Variants in PCDHGA5 observed in about 807,000 individuals in gnomAD.
PCDHGA5 encodes protocadherin gamma subfamily A, 5.
In PCDHGA5, 36 loss-of-function variants were observed where a neutral mutation model predicts 56.7. That is an observed-to-expected ratio of 0.64 (90% confidence interval 0.49 to 0.84). PCDHGA5 has a LOEUF of 0.84. Ranked by LOEUF, PCDHGA5 falls within the 40% of genes least tolerant of loss-of-function variation. The pLI is 0.00. For missense variants in PCDHGA5, 1,305 were observed against 1,201.5 expected (o/e 1.09, Z -1.27); for synonymous variants, 563 against 520.2 (o/e 1.08, Z -1.12).
rs2099883627 is a variant in PCDHGA5, at chr5:141,511,136, G to A, written c.2759G>A (p.Gly920Asp). 4.3e-6 allele frequency: 7 copies of A among 1,614,194 alleles called. No homozygotes were observed. The East Asian group carries it at 1.6e-4, about 36-fold the overall frequency. The change falls in exon 4 of 4, where the codon GGC (glycine) becomes GAC (aspartate). Residue 920 changes from glycine (G) to aspartate (D), a missense_variant. Physicochemically the swap from Gly to Asp is moderately conservative, Grantham distance 94. Coordinates refer to ENST00000518069, the MANE Select transcript of PCDHGA5 (RefSeq NM_018918.3). ...GGCAAGGCCCCAGCAGGTGGCAATG[G>A]CAACAAGAAGAAGTCGGGCAAGAAG... Reference protein sequence around the residue: ...RDGKAPAGGNGNKKKSGKKEK... With the variant: ...RDGKAPAGGNDNKKKSGKKEK...
chr5:141,482,086 T>C (rs1435200188), intron 1 of PCDHGA5, among the ~76,000 whole-genome samples: 6 of 93,070 alleles, frequency 6.4e-5, no homozygotes, highest in African/African-American at 3.7e-4. Flanking sequence ...ACTCACTCCA[T>C]CTCAAAAAAA....
At chr5:141,389,562 G>C in intron 1 of PCDHGA5, 1 of 1,613,284 alleles carries the variant, frequency 6.2e-7, no homozygotes, top group Middle Eastern at 1.7e-4. Context: ...TGCGCCACGG[G>C]TGCTGTACCC....
At chr5:141,452,256 C>T (rs533770410) in intron 1 of PCDHGA5, among the ~76,000 whole-genome samples, 1 of 152,298 alleles carries the variant, frequency 6.6e-6, no homozygotes, top group African/African-American at 2.4e-5. Flanking sequence ...CCATAACTCT[C>T]TCATTTTCTT....
intron 1 of PCDHGA5, among the ~76,000 whole-genome samples, chr5:141,448,180 G>C (rs961721974): frequency 1.3e-5 from 2 of 151,998 alleles, no homozygotes; most frequent in African/African-American, 2.4e-5. Flanking sequence ...TTCATCCCTG[G>C]TTATGTACAC....
chr5:141,384,787 C>A, intron 1 of PCDHGA5: 2 of 1,613,552 alleles, frequency 1.2e-6, no homozygotes, highest in Admixed American at 3.3e-5. Flanking sequence ...GCGCACGGCT[C>A]GGGCCCTGCT....
chr5:141,499,479 C>T (rs1019775735), intron 2 of PCDHGA5, among the ~76,000 whole-genome samples: 1 of 152,146 alleles, frequency 6.6e-6, no homozygotes. Context: ...AGAACCACCA[C>T]CAACTACAGT....
chr5:141,374,230 C>T lies in PCDHGA5; in HGVS notation c.2421+7479C>T. On this transcript the variant is annotated intron_variant, in intron 1 of 3. Coordinates refer to ENST00000518069, the MANE Select transcript of PCDHGA5 (RefSeq NM_018918.3). ...AAGGCTCCTTCGTAGGCAACATCGTCAAGGATCTGGGACTGGAGCCCCAGG... is the reference window on the plus strand; with the variant it reads ...AAGGCTCCTTCGTAGGCAACATCGTTAAGGATCTGGGACTGGAGCCCCAGG... 2 of 1,613,996 alleles carry T rather than the reference C, an allele frequency of 1.2e-6. 1 individual carries two copies. Among genetic ancestry groups the T allele is most frequent in the East Asian group, 4.5e-5 (2 of 44,882 alleles).
At chr5:141,393,299 G>T (rs768038476) in intron 1 of PCDHGA5, 8 of 1,613,780 alleles carry the variant, frequency 5.0e-6, no homozygotes, top group Middle Eastern at 1.6e-4. Context: ...ACCCGGATGT[G>T]GGCGTGAACT....
At chr5:141,385,142 C>T (rs1420566063) in intron 1 of PCDHGA5, 2 of 1,614,210 alleles carry the variant, frequency 1.2e-6, no homozygotes, top group Non-Finnish European at 1.7e-6. Flanking sequence ...GGGGTGCAGG[C>T]TTTCCTGCAG....
Position 141,408,693 on chromosome 5 carries a change from TAAACTC to T in PCDHGA5, c.2421+41945_2421+41950del, listed in dbSNP as rs1561714743. 1.9e-6 allele frequency: 3 copies of T among 1,613,768 alleles called. No homozygotes were observed. In the African/African-American group the frequency reaches 4.0e-5, roughly 22 times the overall value. On this transcript the variant is annotated intron_variant, in intron 1 of 3. Coordinates refer to ENST00000518069, the MANE Select transcript of PCDHGA5 (RefSeq NM_018918.3). The stretch of plus-strand genomic sequence containing the variant: ...CCTGCCACGGATCCTGATATAAACA[TAAACTC>T]AATTAAAGATTATAAGATAAACTCT...
At chr5:141,394,259 G>T (rs1367261725) in intron 1 of PCDHGA5, 3 of 1,613,936 alleles carry the variant, frequency 1.9e-6, no homozygotes, top group African/African-American at 2.7e-5. Context: ...CCGACAGCCA[G>T]GAGAATGCCC....
At position 141,364,576 on chromosome 5, in the gene PCDHGA5, C is replaced by T. The variant is rs1420937059; in HGVS notation, c.246C>T (p.Gly82=). 6.2e-7 allele frequency: 1 copy of T among 1,614,210 alleles called. No individual in the cohort carries two copies. Residue 82 remains glycine (G), a synonymous_variant, in exon 1 of 4, where the codon GGC becomes GGT. Transcript: ENST00000518069. ...TTTTTGCCCTGAACCCGCGAAGCGG[C>T]AGCTTGGTCACCGCGGGCAGGATAG... ...TQLFALNPRS[G]SLVTAGRIDR...
chr5:141,419,350 G>A, intron 1 of PCDHGA5: 1 of 1,613,848 alleles, frequency 6.2e-7, no homozygotes, highest in Non-Finnish European at 8.5e-7. Context: ...GCGACCTGGA[G>A]TCACGAACGC....
Position 141,375,861 on chromosome 5 carries a change from C to A in PCDHGA5, c.2421+9110C>A, listed in dbSNP as rs567912144. 1.5e-5 allele frequency: 24 copies of A among 1,613,986 alleles called. 2 individuals are homozygous for A. In the South Asian group the frequency reaches 2.0e-4, roughly 13 times the overall value. On this transcript the variant is annotated intron_variant, in intron 1 of 3. Coordinates refer to ENST00000518069, the MANE Select transcript of PCDHGA5 (RefSeq NM_018918.3). ...GGCTACCTGGTGACCAAGGTGGTGG[C>A]GGTGGACAGAGACTCGGGCCAGAAC...
chr5:141,408,446 G>C (rs371079756), intron 1 of PCDHGA5: 180 of 1,613,946 alleles, frequency 1.1e-4, no homozygotes, highest in Non-Finnish European at 1.5e-4. Context: ...CGCGGAGAGC[G>C]GGGACTTACT....
At chr5:141,501,510 T>G (rs11744379) in intron 2 of PCDHGA5, among the ~76,000 whole-genome samples, 29,206 of 151,772 alleles carry the variant, frequency 0.19, 2,837 homozygotes, top group Middle Eastern at 0.24. Context: ...CTCCAAGGCC[T>G]CCAAGCTGAA....
chr5:141,400,954 G>A (rs1195267748), intron 1 of PCDHGA5, among the ~76,000 whole-genome samples: 1 of 152,014 alleles, frequency 6.6e-6, no homozygotes, highest in African/African-American at 2.4e-5. Context: ...GATTTCACTG[G>A]TAGTTTTCAT....
rs1156915249 is a variant in PCDHGA5, at chr5:141,426,840, G to C, written c.2421+60089G>C. 8.8e-6 allele frequency: 4 copies of C among 456,584 alleles called. No individual in the cohort carries two copies. In the East Asian group the frequency reaches 2.8e-4, roughly 32 times the overall value. The allele number at this position is 456,584 out of a possible 1,614,324, so 28.3% of individuals were successfully genotyped here. A position where few individuals can be genotyped will look rare whatever the true frequency, so the allele number is the denominator to read the frequency against. On this transcript the variant is annotated intron_variant, in intron 1 of 3. Transcript: ENST00000518069. Reference sequence around the variant, plus strand: ...CTCTCTGATGATGGACAAGACTAAAGGCAAGAACGCTCCAGAATTAGTGCT... The same window carrying C: ...CTCTCTGATGATGGACAAGACTAAACGCAAGAACGCTCCAGAATTAGTGCT...
At chr5:141,383,515 C>A (rs749503295) in intron 1 of PCDHGA5, 4 of 1,612,348 alleles carry the variant, frequency 2.5e-6, no homozygotes, top group Admixed American at 1.7e-5. Context: ...GGAGGAAGAG[C>A]GGGTTCACCA....
Sources: allele counts gnomAD v4.1 joint callset (sites outside exome capture counted in the v4.1 genomes callset), GRCh38; gene constraint gnomAD v4.1.1; transcripts MANE v1.5; gene names NCBI Gene and HGNC (gene_info 2026-07-23, HGNC 2026-07-21).